NWD1: variants seen among roughly 807,000 people sequenced by gnomAD.
NWD1 encodes the protein NACHT domain- and WD repeat-containing protein 1.
In NWD1, 129 loss-of-function variants were observed where a neutral mutation model predicts 135.1. The ratio of observed to expected loss-of-function variants is 0.96; its 90% CI spans 0.83 to 1.11. NWD1 has a LOEUF of 1.11. NWD1 is among the 50% of genes least tolerant of loss of function. NWD1 has a pLI of 0.00. For synonymous variants in NWD1, 773 were observed against 786.0 expected (o/e 0.98, Z 0.28); for missense variants, 1,740 against 1,851.3 (o/e 0.94, Z 1.10).
At chr19:16,791,802 C>T (rs751283494) in intron 14 of NWD1, among the ~76,000 whole-genome samples, 180 bp downstream of exon 14, 11 of 152,208 alleles carry the variant, frequency 7.2e-5, no homozygotes, top group Non-Finnish European at 1.6e-4. Context: ...CAACCTCCGC[C>T]TCTCGGGTTC....
chr19:16,815,457 T>C lies in NWD1; in HGVS notation c.*418T>C, dbSNP rs146291620. On this transcript the variant is annotated 3_prime_UTR_variant, in exon 19 of 19. Coordinates refer to ENST00000524140, the MANE Select transcript of NWD1 (RefSeq NM_001007525.5). ...GGACCCATGGCTTCAGATTATGGCTTCAGACCTTGTCTCTTCTCATCTTTC... is the reference window on the plus strand; with the variant it reads ...GGACCCATGGCTTCAGATTATGGCTCCAGACCTTGTCTCTTCTCATCTTTC... 1 of 593,492 alleles carries C rather than the reference T, an allele frequency of 1.7e-6. No homozygotes were observed. The highest frequency in any genetic ancestry group is 1.9e-5 in the African/African-American group (1 of 53,826). 36.8% of individuals were successfully genotyped at this position (593,492 alleles called of 1,614,324 possible). A position where few individuals can be genotyped will look rare whatever the true frequency, so the allele number is the denominator to read the frequency against.
intron 18 of NWD1, among the ~76,000 whole-genome samples, chr19:16,808,339 C>T (rs536120770): frequency 2.6e-5 from 4 of 152,028 alleles, no homozygotes; most frequent in South Asian, 2.1e-4. Context: ...CACCTGAGAT[C>T]GGGAGTTCAA....
intron 10 of NWD1, among the ~76,000 whole-genome samples, chr19:16,772,225 C>T (rs996189792): frequency 6.6e-6 from 1 of 152,032 alleles, no homozygotes; most frequent in Admixed American, 6.6e-5. Flanking sequence ...ACTAACGAGG[C>T]GTGGTGACGT....
In NWD1 at chr19:16,808,148, G is replaced by C. The variant is rs780395558; in HGVS notation, c.4287+12G>C. On this transcript the variant is annotated intron_variant, in intron 18 of 18. Transcript: ENST00000524140. Reference sequence around the variant, plus strand: ...AGATGAGCTACACGGTGGGTGGCCCGCCTCCCCATGTTCATGCTAGACCCA... The same window carrying C: ...AGATGAGCTACACGGTGGGTGGCCCCCCTCCCCATGTTCATGCTAGACCCA... The C allele has an allele frequency of 1.4e-5, 22 of 1,609,964 alleles. No homozygotes were observed. The highest frequency in any genetic ancestry group is 1.8e-5 in the Non-Finnish European group (21 of 1,177,914).
At chr19:16,802,695 C>T (rs1970638845) in intron 17 of NWD1, among the ~76,000 whole-genome samples, 1 of 152,012 alleles carries the variant, frequency 6.6e-6, no homozygotes, top group South Asian at 2.1e-4. Context: ...TCTGTTCTCA[C>T]ACTGCTAATA....
chr19:16,773,035 C>T, intron 10 of NWD1, 91 bp from the exon 11 acceptor site: 2 of 1,066,718 alleles, frequency 1.9e-6, no homozygotes, highest in Non-Finnish European at 1.5e-6. Flanking sequence ...TTCTTTTGTT[C>T]TGGAGCCCCT....
chr19:16,721,208 A>G (rs1209864747), intron 1 of NWD1, among the ~76,000 whole-genome samples: 1 of 151,816 alleles, frequency 6.6e-6, no homozygotes, highest in Non-Finnish European at 1.5e-5. Context: ...TGCTGTTGAA[A>G]TCTAGTGGGT....
chr19:16,759,097 A>G (rs1279384857), intron 6 of NWD1, 128 bp from the exon 7 acceptor site: 3 of 740,586 alleles, frequency 4.1e-6, no homozygotes, highest in African/African-American at 1.7e-5. Flanking sequence ...GCGCTGTCCA[A>G]ATGCTGATCC....
chr19:16,801,017 C>T (rs1970587811), intron 17 of NWD1, among the ~76,000 whole-genome samples: 1 of 152,062 alleles, frequency 6.6e-6, no homozygotes, highest in African/African-American at 2.4e-5. Context: ...GTGGGTCACA[C>T]CTCTAATACC....
chr19:16,749,218 C>A lies in NWD1; in HGVS notation c.576C>A (p.Ile192=). The stretch of plus-strand genomic sequence containing the variant: ...GAGCCACCGTCTTCCTTAGAGAGAT[C>A]CAAGACCTCCACAAACACATCCTTG... ...EQGATVFLRE[I]QDLHKHILED... is the part of the protein sequence containing the mutation. Residue 192 remains isoleucine, a synonymous_variant, in exon 6 of 19, where the codon ATC becomes ATA. Transcript: ENST00000524140. 1 of 1,614,058 alleles carries A rather than the reference C, an allele frequency of 6.2e-7. No individual in the cohort carries two copies. Among genetic ancestry groups the A allele is most frequent in the African/African-American group, 1.3e-5 (1 of 75,012 alleles).
In NWD1 at chr19:16,750,192, C is replaced by A; in HGVS notation, c.1550C>A (p.Pro517Gln). The change falls in exon 6 of 19, where the codon CCG (proline) becomes CAG (glutamine). Residue 517 changes from proline (P) to glutamine (Q), a missense_variant. Physicochemically the swap from Pro to Gln is moderately conservative, Grantham distance 76. Transcript: ENST00000524140. ...LLAAARRTLS[P>Q]VHTDLLWASL... ...GCAGCTGCAAGGAGGACGCTGAGCCCGGTGCACACAGATTTGCTCTGGGCC... is the reference window on the plus strand; with the variant it reads ...GCAGCTGCAAGGAGGACGCTGAGCCAGGTGCACACAGATTTGCTCTGGGCC... 1 of 1,613,284 alleles carries A rather than the reference C, an allele frequency of 6.2e-7. No homozygotes were observed. Among genetic ancestry groups the A allele is most frequent in the Non-Finnish European group, 8.5e-7 (1 of 1,179,682 alleles).
In NWD1 at chr19:16,749,386, C is replaced by T. The variant is rs377186225; in HGVS notation, c.744C>T (p.Arg248=). 250 of 1,613,820 alleles carry T rather than the reference C, an allele frequency of 1.5e-4. No homozygotes were observed. Among genetic ancestry groups the T allele is most frequent in the Non-Finnish European group, 2.0e-4 (231 of 1,179,816 alleles). The change falls in exon 6 of 19, where the codon CGC becomes CGT. Residue 248 remains arginine, a synonymous_variant. Coordinates refer to ENST00000524140, the MANE Select transcript of NWD1 (RefSeq NM_001007525.5). ...VLKTHRLPWS[R]DLVNPKNKTH... The stretch of plus-strand genomic sequence containing the variant: ...AGACCCACCGCCTGCCGTGGAGCCG[C>T]GACTTGGTGAACCCCAAGAACAAGA...
chr19:16,809,339 G>C (rs1256190622), intron 18 of NWD1, among the ~76,000 whole-genome samples: 1 of 152,002 alleles, frequency 6.6e-6, no homozygotes, highest in African/African-American at 2.4e-5. Context: ...CTCCCAAAGT[G>C]CTGGGATTAC....
chr19:16,815,470 C>T lies in NWD1; in HGVS notation c.*431C>T, dbSNP rs1204824081. On this transcript the variant is annotated 3_prime_UTR_variant, in exon 19 of 19. Coordinates refer to ENST00000524140, the MANE Select transcript of NWD1 (RefSeq NM_001007525.5). The stretch of plus-strand genomic sequence containing the variant: ...CAGATTATGGCTTCAGACCTTGTCT[C>T]TTCTCATCTTTCCATTATTCTTTCC... The T allele has an allele frequency of 5.1e-6, 3 of 583,662 alleles. No homozygotes were observed. In the African/African-American group the frequency reaches 5.6e-5, roughly 11 times the overall value. The allele number at this position is 583,662 out of a possible 1,614,324, so 36.2% of individuals were successfully genotyped here. A position where few individuals can be genotyped will look rare whatever the true frequency, so the allele number is the denominator to read the frequency against.
At chr19:16,796,201 T>A (rs982273422) in intron 15 of NWD1, among the ~76,000 whole-genome samples, 3 of 152,028 alleles carry the variant, frequency 2.0e-5, no homozygotes, top group African/African-American at 7.2e-5. Context: ...TTCCAGCACT[T>A]TGGGAGGCCA....
At chr19:16,727,624 A>C (rs531936113) in intron 2 of NWD1, 2 of 152,858 alleles carry the variant, frequency 1.3e-5, no homozygotes, top group African/African-American at 4.8e-5. Flanking sequence ...GCCCCCTCCC[A>C]GCACCTCCAC....
At chr19:16,757,995 T>G (rs975654350) in intron 6 of NWD1, among the ~76,000 whole-genome samples, 1 of 151,188 alleles carries the variant, frequency 6.6e-6, no homozygotes, top group Non-Finnish European at 1.5e-5. Context: ...GAGATTGCAG[T>G]GAGCTGAGAT....
chr19:16,729,905 AGAAGGAAG>A (rs111423166), intron 2 of NWD1, among the ~76,000 whole-genome samples: 6 of 150,834 alleles, frequency 4.0e-5, no homozygotes, highest in East Asian at 3.9e-4. Context: ...AAAGAGAGAG[AGAAGGAAG>A]GAAGGAAGGA....
chr19:16,759,368 T>G lies in NWD1; in HGVS notation c.1913T>G (p.Leu638Arg), dbSNP rs1968922956. Residue 638 changes from leucine (L) to arginine (R), a missense_variant, in exon 7 of 19, where the codon CTG becomes CGG. Physicochemically the swap from Leu to Arg is moderately radical, Grantham distance 102. Coordinates refer to ENST00000524140, the MANE Select transcript of NWD1 (RefSeq NM_001007525.5). ...PLLWVRLRRD[L>R]GYYLARRPVD... The stretch of plus-strand genomic sequence containing the variant: ...CTGTGGGTGCGGCTTCGTCGGGATC[T>G]GGGATACTACTTGGCCCGGCGGCCC... 2 of 1,611,166 alleles carry G rather than the reference T, an allele frequency of 1.2e-6. No individual in the cohort carries two copies. The highest frequency in any genetic ancestry group is 4.5e-5 in the East Asian group (2 of 44,764).
Sources: gnomAD v4.1 joint callset for allele counts (sites outside exome capture counted in the v4.1 genomes callset) on GRCh38, gnomAD v4.1.1 for gene constraint, MANE v1.5 for transcripts, NCBI Gene and HGNC (gene_info 2026-07-23, HGNC 2026-07-21) for gene names.